Variants in TMEM255A observed in about 807,000 individuals in gnomAD.
TMEM255A encodes the protein family with sequence similarity 70, member A.
TMEM255A carries 14 observed loss-of-function variants against 23.5 expected under a neutral mutation model. The observed-to-expected ratio is 0.60, with a 90% CI of 0.39 to 0.93. The LOEUF (loss-of-function observed/expected upper bound fraction) is 0.93. TMEM255A is among the 40% of genes least tolerant of loss of function. The probability of loss-of-function intolerance (pLI) is 0.00; values close to 1 mark genes in which losing one functional copy is unlikely to be tolerated. For synonymous variants in TMEM255A, 104 were observed against 100.3 expected, an observed-to-expected ratio of 1.04 and a Z score of -0.22; for missense variants, 233 against 261.7, an observed-to-expected ratio of 0.89 and a Z score of 0.76.
intron 2 of TMEM255A, among the ~76,000 whole-genome samples, chrX:120,294,963 T>C (rs2057944954): frequency 9.0e-6 from 1 of 111,730 alleles, no homozygotes; most frequent in Admixed American, 9.5e-5. Context: ...CCTGCTTCAT[T>C]TATGGACAGA....
At chrX:120,308,294 T>C (rs2058077137) in intron 1 of TMEM255A, among the ~76,000 whole-genome samples, 1 of 112,140 alleles carries the variant, frequency 8.9e-6, no homozygotes, top group Non-Finnish European at 1.9e-5. Context: ...GGTAGGATGC[T>C]GTCTCTGTTA....
chrX:120,293,278 GTCTATATCT>G (rs1478273347), intron 3 of TMEM255A, among the ~76,000 whole-genome samples: 2 of 112,575 alleles, frequency 1.8e-5, no homozygotes, highest in African/African-American at 6.5e-5. Flanking sequence ...TTGCAATTCA[GTCTATATCT>G]TCTACCTTTA....
intron 2 of TMEM255A, among the ~76,000 whole-genome samples, chrX:120,296,586 C>T (rs1047198028): frequency 1.7e-4 from 14 of 80,730 alleles, no homozygotes; most frequent in Non-Finnish European, 2.9e-4. Context: ...AAACAAAGTG[C>T]TATAGGAGCA....
At chrX:120,303,431 T>C (rs1418044413) in intron 2 of TMEM255A, among the ~76,000 whole-genome samples, 1 of 111,149 alleles carries the variant, frequency 9.0e-6, no homozygotes, top group African/African-American at 3.3e-5. Context: ...TTAACGAAAC[T>C]AGTCTCAACA....
intron 8 of TMEM255A, among the ~76,000 whole-genome samples, chrX:120,264,723 G>C (rs2147179034): frequency 9.1e-6 from 1 of 109,840 alleles, no homozygotes; most frequent in East Asian, 2.9e-4. Flanking sequence ...CTGTAACTTA[G>C]GTCATTTTAC....
chrX:120,271,617 A>G (rs1336203807), intron 7 of TMEM255A, among the ~76,000 whole-genome samples: 1 of 110,947 alleles, frequency 9.0e-6, no homozygotes, highest in Non-Finnish European at 1.9e-5. Flanking sequence ...ATCATAAAGT[A>G]GGGAAAGAGC....
chrX:120,302,505 A>AC (rs1603404077), intron 2 of TMEM255A, among the ~76,000 whole-genome samples: 3 of 32,104 alleles, frequency 9.3e-5, no homozygotes, highest in African/African-American at 2.4e-4. Flanking sequence ...CCACCCCCCG[A>AC]CCCCCCACCG....
intron 1 of TMEM255A, among the ~76,000 whole-genome samples, chrX:120,308,764 G>T (rs2058080292): frequency 8.9e-6 from 1 of 111,925 alleles, no homozygotes; most frequent in Non-Finnish European, 1.9e-5. Flanking sequence ...GGGAGAAGGG[G>T]GTTGCTGGGA....
Position 120,269,141 on chromosome X carries a change from T to C in TMEM255A, c.676-754A>G, listed in dbSNP as rs556544308. Among the ~76,000 whole-genome samples, 72 of 103,506 alleles carry C rather than the reference T, an allele frequency of 7.0e-4. No homozygotes were observed. In the South Asian group the frequency reaches 0.029, roughly 41 times the overall value. The allele number at this position is 103,506 out of a possible 115,157, so 89.9% of individuals were successfully genotyped here. A position where few individuals can be genotyped will look rare whatever the true frequency, so the allele number is the denominator to read the frequency against. Reference sequence around the variant, plus strand: ...TTGATCCCCCCACCTTTTTTTTTTTTGCAAATAAAACGATGCAGACATAAT... The same window carrying C: ...TTGATCCCCCCACCTTTTTTTTTTTCGCAAATAAAACGATGCAGACATAAT... On this transcript the variant is annotated intron_variant, in intron 7 of 8. Coordinates refer to ENST00000371369, the MANE Select transcript of TMEM255A (RefSeq NM_001104544.3).
Position 120,297,083 on chromosome X carries a change from T to TAA in TMEM255A, c.202-3033_202-3032insTT, listed in dbSNP as rs1440351931. Among the ~76,000 whole-genome samples, 17 of 8,013 alleles carry TAA rather than the reference T, an allele frequency of 2.1e-3. 4 individuals carry two copies. Among genetic ancestry groups the TAA allele is most frequent in the African/African-American group, 0.012 (6 of 483 alleles). 7.0% of individuals were successfully genotyped at this position (8,013 alleles called of 115,157 possible). ...ATAATATTATATATATTATATTATA[T>TAA]TATAATATATATAATATTATATATA... On this transcript the variant is annotated intron_variant, in intron 2 of 8. Transcript: ENST00000371369.
rs185752935 is a variant in TMEM255A, at chrX:120,273,408, G to A, written c.675+3477C>T. On this transcript the variant is annotated intron_variant, in intron 7 of 8. Coordinates refer to ENST00000371369, the MANE Select transcript of TMEM255A (RefSeq NM_001104544.3). ...ATGTTAGAAGAAGCAAAGAAAAATT[G>A]GTAAGAAGAAACTGATGCCTTAGAA... is the stretch of plus-strand genomic sequence containing the variant. The A allele has an allele frequency of 1.3e-4, 35 of 278,866 alleles. 1 individual carries two copies. The East Asian group carries it at 2.6e-3, about 21-fold the overall frequency. 23.0% of individuals were successfully genotyped at this position (278,866 alleles called of 1,213,427 possible).
At position 120,285,110 on chromosome X, in the gene TMEM255A, TG is replaced by T. The variant is rs782715652; in HGVS notation, c.512+16del. ...GTGGTCAGACCATTATTCCTGTGTC[TG>T]GGCCTCAACACTTACTTGCCACAGT... On this transcript the variant is annotated intron_variant, in intron 6 of 8. Transcript: ENST00000371369. 2.9e-5 allele frequency: 34 copies of T among 1,185,043 alleles called. No homozygotes were observed. Among genetic ancestry groups the T allele is most frequent in the South Asian group, 2.0e-4 (11 of 56,240 alleles).
chrX:120,289,641 A>G (rs2057900746), intron 4 of TMEM255A, among the ~76,000 whole-genome samples: 2 of 112,218 alleles, frequency 1.8e-5, no homozygotes, highest in South Asian at 3.7e-4. Flanking sequence ...CATACTTACT[A>G]TATGATCCAG....
chrX:120,271,552 C>A (rs1280096097), intron 7 of TMEM255A, among the ~76,000 whole-genome samples: 18 of 111,387 alleles, frequency 1.6e-4, no homozygotes, highest in African/African-American at 5.6e-4. Flanking sequence ...AAATTAAGAA[C>A]GCAGAAACAA....
intron 7 of TMEM255A, among the ~76,000 whole-genome samples, chrX:120,275,857 A>G (rs1157651379): frequency 2.0e-5 from 2 of 97,586 alleles, no homozygotes; most frequent in East Asian, 7.1e-4. Context: ...CAGTGGTGCA[A>G]TCATGGCTTA....
chrX:120,308,649 G>A (rs1298773828), intron 1 of TMEM255A, among the ~76,000 whole-genome samples: 4 of 112,108 alleles, frequency 3.6e-5, no homozygotes. Flanking sequence ...TCTCTGAATG[G>A]AGAACATCCG....
chrX:120,277,092 C>G (rs782104744), intron 6 of TMEM255A, 45 bp from the exon 7 acceptor site: 2 of 1,128,622 alleles, frequency 1.8e-6, no homozygotes, highest in African/African-American at 1.8e-5. Flanking sequence ...AGGGAGCAGG[C>G]TGTCCTCCCC....
chrX:120,271,660 A>G (rs1458681498), intron 7 of TMEM255A, among the ~76,000 whole-genome samples: 2 of 109,196 alleles, frequency 1.8e-5, no homozygotes, highest in Non-Finnish European at 3.8e-5. Flanking sequence ...GGAAAACTGG[A>G]TATCCACATG....
At chrX:120,275,688 TAAA>T (rs58926899) in intron 7 of TMEM255A, among the ~76,000 whole-genome samples, 8 of 101,008 alleles carry the variant, frequency 7.9e-5, no homozygotes, top group African/African-American at 1.1e-4. Flanking sequence ...CCTGGGAGCT[TAAA>T]AAAAAAAAAC....
Sources: allele counts gnomAD v4.1 joint callset (sites outside exome capture counted in the v4.1 genomes callset), GRCh38; gene constraint gnomAD v4.1.1; transcripts MANE v1.5; gene names NCBI Gene and HGNC (gene_info 2026-07-23, HGNC 2026-07-21).